Variants in EDA observed in about 807,000 individuals in gnomAD.
The protein encoded by EDA is ectodysplasin A.
In EDA, 2 loss-of-function variants were observed where a neutral mutation model predicts 23.6. That is an observed-to-expected ratio of 0.08 (90% CI 0.03 to 0.27). The LOEUF (loss-of-function observed/expected upper bound fraction) is 0.27. Ranked by LOEUF, EDA falls within the 10% of genes least tolerant of loss-of-function variation. The pLI is 1.00. For missense variants in EDA, 229 were observed against 324.2 expected (o/e 0.71, Z 2.26); for synonymous variants, 131 against 132.0 (o/e 0.99, Z 0.05).
At chrX:69,752,568 G>C (rs1344598422) in intron 1 of EDA, among the ~76,000 whole-genome samples, 1 of 111,695 alleles carries the variant, frequency 9.0e-6, no homozygotes, top group Non-Finnish European at 1.9e-5. Flanking sequence ...CCAGGCTTTG[G>C]TATCAGGATG....
At chrX:69,705,296 A>G (rs1448208175) in intron 1 of EDA, among the ~76,000 whole-genome samples, 1 of 110,823 alleles carries the variant, frequency 9.0e-6, no homozygotes, top group African/African-American at 3.3e-5. Flanking sequence ...TTCCCCCTCC[A>G]TCTGCCTAAA....
At chrX:70,018,770 G>C (rs755195926) in intron 2 of EDA, among the ~76,000 whole-genome samples, 268 of 111,157 alleles carry the variant, frequency 2.4e-3, no homozygotes, top group Non-Finnish European at 3.9e-3. Context: ...TCTAGACATA[G>C]ACCCTGGAAA....
chrX:69,636,632 G>GT (rs200303089), intron 1 of EDA, among the ~76,000 whole-genome samples: 6,914 of 89,339 alleles, frequency 0.077, 274 homozygotes, highest in Middle Eastern at 0.11. Flanking sequence ...CTGGTTCATG[G>GT]TTTTTTTTTT....
In EDA at chrX:69,917,738, G is replaced by A. The variant is rs774058701; in HGVS notation, c.397-39289G>A. On this transcript the variant is annotated intron_variant, in intron 1 of 7. Coordinates refer to ENST00000374552, the MANE Select transcript of EDA (RefSeq NM_001399.5). ...TCATTCCAAATTTCTATGGCACTTAGATTATCAATTTTTTAATAATAATAT... is the reference window on the plus strand; with the variant it reads ...TCATTCCAAATTTCTATGGCACTTAAATTATCAATTTTTTAATAATAATAT... 8.1e-5 allele frequency among the ~76,000 whole-genome samples: 9 copies of A among 111,042 alleles called. No individual in the cohort carries two copies. The East Asian group carries it at 2.5e-3, about 31-fold the overall frequency.
At chrX:69,756,030 C>A (rs553216373) in intron 1 of EDA, among the ~76,000 whole-genome samples, 1 of 111,982 alleles carries the variant, frequency 8.9e-6, no homozygotes, top group Non-Finnish European at 1.9e-5. Flanking sequence ...GGCGATGCCC[C>A]GCCCTGCTCC....
At chrX:69,824,596 G>C (rs1333511857) in intron 1 of EDA, among the ~76,000 whole-genome samples, 1 of 104,850 alleles carries the variant, frequency 9.5e-6, no homozygotes, top group Admixed American at 1.1e-4. Context: ...AGGAGATTTT[G>C]GGCTGAGACA....
At chrX:69,921,153 CT>C (rs950008694) in intron 1 of EDA, among the ~76,000 whole-genome samples, 7 of 110,668 alleles carry the variant, frequency 6.3e-5, no homozygotes, top group African/African-American at 2.3e-4. Context: ...CACTTCTTAA[CT>C]TGATGGCACT....
chrX:69,743,428 T>G (rs1255984867), intron 1 of EDA, among the ~76,000 whole-genome samples: 2 of 112,124 alleles, frequency 1.8e-5, no homozygotes, highest in Non-Finnish European at 3.8e-5. Context: ...TTGTTTGTAT[T>G]AATGTGCAAA....
chrX:69,755,619 A>C (rs1201259714), intron 1 of EDA, among the ~76,000 whole-genome samples: 34 of 112,362 alleles, frequency 3.0e-4, no homozygotes, highest in South Asian at 3.7e-4. Flanking sequence ...AAGTCTGCAG[A>C]AGTTTCTGCT....
chrX:69,716,817 G>A (rs6653168), intron 1 of EDA, among the ~76,000 whole-genome samples: 21,850 of 110,190 alleles, frequency 0.2, 1,662 homozygotes, highest in African/African-American at 0.24. Context: ...TATTTTATTC[G>A]TTTTGTAACA....
rs150542080 is a variant in EDA, at chrX:69,797,276, G to A, written c.397-159751G>A. On this transcript the variant is annotated intron_variant, in intron 1 of 7. Coordinates refer to ENST00000374552, the MANE Select transcript of EDA (RefSeq NM_001399.5). ...ACATAGCAAAAAGATCTTCTCCATG[G>A]CACATTGTAGGCAAACATTCTAAAG... 3.3e-4 allele frequency among the ~76,000 whole-genome samples: 37 copies of A among 110,712 alleles called. No homozygotes were observed. In the East Asian group the frequency reaches 6.0e-3, roughly 18 times the overall value.
chrX:69,698,526 G>C (rs2011434212), intron 1 of EDA, among the ~76,000 whole-genome samples: 1 of 111,960 alleles, frequency 8.9e-6, no homozygotes, highest in African/African-American at 3.2e-5. Flanking sequence ...AGGAAGGGAG[G>C]TAATTCCCGA....
chrX:69,792,117 A>C (rs1371149238), intron 1 of EDA, among the ~76,000 whole-genome samples: 9 of 110,156 alleles, frequency 8.2e-5, no homozygotes. Context: ...CCCCCTTCTA[A>C]CCATTCCCCC....
In EDA at chrX:69,645,594, G is replaced by GTATATATATATATATATATATATA. The variant is rs1569281291; in HGVS notation, c.396+28891_396+28892insATATATATATATATATATATATAT. 4.0e-5 allele frequency among the ~76,000 whole-genome samples: 2 copies of GTATATATATATATATATATATATA among 50,087 alleles called. 1 individual carries two copies. Among genetic ancestry groups the GTATATATATATATATATATATATA allele is most frequent in the African/African-American group, 2.5e-4 (2 of 8,071 alleles). The allele number at this position is 50,087 out of a possible 115,157, so 43.5% of individuals were successfully genotyped here. On this transcript the variant is annotated intron_variant, in intron 1 of 7. Coordinates refer to ENST00000374552, the MANE Select transcript of EDA (RefSeq NM_001399.5). ...AGTTCTCTAGTTCTTTTATATATATGTGTGTGTGTATATATATATATGTGT... is the reference window on the plus strand; with the variant it reads ...AGTTCTCTAGTTCTTTTATATATATGTATATATATATATATATATATATATGTGTGTGTATATATATATATGTGT...
chrX:69,906,759 G>A (rs758811960), intron 1 of EDA, among the ~76,000 whole-genome samples: 8 of 109,989 alleles, frequency 7.3e-5, no homozygotes, highest in East Asian at 5.7e-4. Context: ...ATACACGCAC[G>A]CACACACATA....
At chrX:69,677,344 A>G in intron 1 of EDA, among the ~76,000 whole-genome samples, 1 of 110,897 alleles carries the variant, frequency 9.0e-6, no homozygotes, top group South Asian at 4.0e-4. Context: ...GTATATACCC[A>G]GTAATGGGAT....
At chrX:69,645,726 A>G (rs1932914931) in intron 1 of EDA, among the ~76,000 whole-genome samples, 1 of 106,466 alleles carries the variant, frequency 9.4e-6, no homozygotes, top group Admixed American at 1.0e-4. Flanking sequence ...TGCCTCACCC[A>G]TTAACTCGAA....
rs747911173 is a variant in EDA, at chrX:70,028,986, AT to A, written c.707-510del. Among the ~76,000 whole-genome samples the A allele has an allele frequency of 7.1e-5, 8 of 112,188 alleles. No individual in the cohort carries two copies. In the East Asian group the frequency reaches 2.0e-3, roughly 28 times the overall value. ...ATGGCCACAAGAGATGGAGTTAGAG[AT>A]TTTTTTTCAACCAATCATTCCTTAA... On this transcript the variant is annotated intron_variant, in intron 4 of 7. Coordinates refer to ENST00000374552, the MANE Select transcript of EDA (RefSeq NM_001399.5).
chrX:69,666,178 ATTAG>A (rs1933675140), intron 1 of EDA, among the ~76,000 whole-genome samples: 2 of 112,361 alleles, frequency 1.8e-5, no homozygotes, highest in East Asian at 5.6e-4. Flanking sequence ...GAATTCATTT[ATTAG>A]TTCTAACAGT....
Sources: allele counts gnomAD v4.1 joint callset (sites outside exome capture counted in the v4.1 genomes callset), GRCh38; gene constraint gnomAD v4.1.1; transcripts MANE v1.5; gene names NCBI Gene and HGNC (gene_info 2026-07-23, HGNC 2026-07-21).